LPAR1: variants seen among roughly 807,000 people sequenced by gnomAD.
LPAR1 encodes the protein LPA receptor 1.
A neutral mutation model predicts 23.8 loss-of-function variants in LPAR1; 5 were observed. The ratio of observed to expected loss-of-function variants is 0.21; its 90% confidence interval spans 0.11 to 0.44. The LOEUF (loss-of-function observed/expected upper bound fraction) is 0.44, where lower values mean the gene tolerates loss of function less well. LPAR1 is among the 20% of genes least tolerant of loss of function. The pLI is 0.99. For synonymous variants in LPAR1, 160 were observed against 164.7 expected, an observed-to-expected ratio of 0.97 and a Z score of 0.22; for missense variants, 311 against 482.8, an observed-to-expected ratio of 0.64 and a Z score of 3.33.
chr9:110,968,926 GGAAATA>G (rs2096314066), intron 4 of LPAR1, among the ~76,000 whole-genome samples: 5 of 152,116 alleles, frequency 3.3e-5, no homozygotes, highest in Non-Finnish European at 5.9e-5. Flanking sequence ...CCGTGGGTAA[GGAAATA>G]GAGGCACTAA....
At chr9:110,889,092 T>TG (rs1564374522) in intron 5 of LPAR1, among the ~76,000 whole-genome samples, 1 of 152,224 alleles carries the variant, frequency 6.6e-6, no homozygotes. Context: ...CCGGGTGCAG[T>TG]GGCTCTCACC....
chr9:111,016,316 GA>G (rs1169899606), intron 2 of LPAR1, among the ~76,000 whole-genome samples: 4 of 152,140 alleles, frequency 2.6e-5, no homozygotes, highest in African/African-American at 9.7e-5. Flanking sequence ...AAGTGCCAAT[GA>G]AAACAGATCT....
At position 110,903,625 on chromosome 9, in the gene LPAR1, C is replaced by T. The variant is rs563482750; in HGVS notation, c.794-27903G>A. Among the ~76,000 whole-genome samples, 267 of 151,800 alleles carry T rather than the reference C, an allele frequency of 1.8e-3. 2 individuals are homozygous for T. The highest frequency in any genetic ancestry group is 6.0e-3 in the African/African-American group (249 of 41,412). ...AACAAGAAGAAAATAGACTAAAAAC[C>T]GACAAAAAACAGACCCTCAAGGACT... On this transcript the variant is annotated intron_variant, in intron 5 of 5. Transcript: ENST00000683809.
intron 4 of LPAR1, among the ~76,000 whole-genome samples, chr9:110,962,074 A>T (rs1011542067): frequency 9.2e-5 from 14 of 152,290 alleles, no homozygotes; most frequent in African/African-American, 3.4e-4. Context: ...CATAGCATTG[A>T]ATTCCCCCCT....
At chr9:110,888,117 G>A (rs1016400987) in intron 5 of LPAR1, among the ~76,000 whole-genome samples, 1 of 152,022 alleles carries the variant, frequency 6.6e-6, no homozygotes, top group African/African-American at 2.4e-5. Context: ...ACAGTGTTTA[G>A]AACAACAAAT....
At chr9:110,921,296 T>C (rs1343693132) in intron 5 of LPAR1, among the ~76,000 whole-genome samples, 2 of 152,194 alleles carry the variant, frequency 1.3e-5, no homozygotes, top group Non-Finnish European at 2.9e-5. Context: ...GGAAATTATA[T>C]GAATGTATTT....
chr9:110,894,859 TA>T lies in LPAR1; in HGVS notation c.794-19138del, dbSNP rs146716017. On this transcript the variant is annotated intron_variant, in intron 5 of 5. Transcript: ENST00000683809. ...GCTGAAACCCTACCTCCAGAAAAAG[TA>T]AAAAAAAAAAATCAGCCAGATGCAG... Among the ~76,000 whole-genome samples the T allele has an allele frequency of 6.3e-3, 904 of 143,874 alleles. 6 individuals carry two copies. Among genetic ancestry groups the T allele is most frequent in the African/African-American group, 0.019 (773 of 39,900 alleles). The allele number at this position is 143,874 out of a possible 152,430, so 94.4% of individuals were successfully genotyped here. A position where few individuals can be genotyped will look rare whatever the true frequency, so the allele number is the denominator to read the frequency against.
intron 5 of LPAR1, among the ~76,000 whole-genome samples, chr9:110,932,643 G>A (rs140749668): frequency 1.4e-4 from 21 of 152,392 alleles, no homozygotes; most frequent in African/African-American, 4.8e-4. Context: ...CAGCAGATGC[G>A]CAAGCATTAC....
intron 2 of LPAR1, among the ~76,000 whole-genome samples, chr9:111,028,428 A>AT (rs1234888426): frequency 6.6e-6 from 1 of 152,200 alleles, no homozygotes; most frequent in Non-Finnish European, 1.5e-5. Flanking sequence ...ATCCCTGTAC[A>AT]TTCCACATAT....
In LPAR1 at chr9:110,929,697, AAT is replaced by A. The variant is rs1491518989; in HGVS notation, c.793+11722_793+11723del. 1.3e-4 allele frequency among the ~76,000 whole-genome samples: 16 copies of A among 121,354 alleles called. No homozygotes were observed. The East Asian group carries it at 3.4e-3, about 25-fold the overall frequency. The allele number at this position is 121,354 out of a possible 152,430, so 79.6% of individuals were successfully genotyped here. On this transcript the variant is annotated intron_variant, in intron 5 of 5. Transcript: ENST00000683809. ...TAAAATGCTGTATTTCCCAGCCAAT[AAT>A]GTGTGTGTGTGTGTGTGTGTGTGTG...
intron 5 of LPAR1, among the ~76,000 whole-genome samples, chr9:110,920,970 A>AT (rs1564468949): frequency 7.1e-6 from 1 of 141,128 alleles, no homozygotes; most frequent in Admixed American, 6.9e-5. Context: ...AACAACAACA[A>AT]ATTTTTTTTT....
intron 5 of LPAR1, among the ~76,000 whole-genome samples, chr9:110,927,369 T>C (rs547119771): frequency 3.1e-4 from 47 of 152,154 alleles, no homozygotes; most frequent in Non-Finnish European, 6.5e-4. Context: ...CCAAAATATA[T>C]TTTCTGTATT....
chr9:110,922,076 G>A (rs947662805), intron 5 of LPAR1, among the ~76,000 whole-genome samples: 2 of 152,138 alleles, frequency 1.3e-5, no homozygotes, highest in Non-Finnish European at 2.9e-5. Flanking sequence ...CTGGAACCAA[G>A]AAATAAAAGT....
chr9:110,958,632 G>A (rs1182016039), intron 4 of LPAR1, among the ~76,000 whole-genome samples: 1 of 151,976 alleles, frequency 6.6e-6, no homozygotes, highest in East Asian at 1.9e-4. Flanking sequence ...AAAACATTGG[G>A]AAACACTTCG....
At chr9:110,986,005 G>A (rs1223572354) in intron 2 of LPAR1, among the ~76,000 whole-genome samples, 1 of 152,064 alleles carries the variant, frequency 6.6e-6, no homozygotes, top group Non-Finnish European at 1.5e-5. Flanking sequence ...GGGAAATGAG[G>A]AGGATTCCAC....
At chr9:110,889,390 A>C (rs2083401269) in intron 5 of LPAR1, among the ~76,000 whole-genome samples, 2 of 152,026 alleles carry the variant, frequency 1.3e-5, no homozygotes, top group African/African-American at 4.8e-5. Context: ...GAAAGAAAAA[A>C]CCACATTAAG....
At chr9:111,028,298 G>A (rs906622989) in intron 2 of LPAR1, among the ~76,000 whole-genome samples, 1 of 152,050 alleles carries the variant, frequency 6.6e-6, no homozygotes, top group Non-Finnish European at 1.5e-5. Flanking sequence ...GGCCAGGCTG[G>A]TCTTGAACTC....
At chr9:110,924,444 T>A (rs1334084465) in intron 5 of LPAR1, among the ~76,000 whole-genome samples, 2 of 152,162 alleles carry the variant, frequency 1.3e-5, no homozygotes, top group African/African-American at 4.8e-5. Context: ...AAAGAAACAG[T>A]ATATTCAACT....
intron 5 of LPAR1, among the ~76,000 whole-genome samples, chr9:110,894,653 T>A (rs1420068205): frequency 7.2e-5 from 11 of 152,192 alleles, no homozygotes. Flanking sequence ...CTGAAACAAT[T>A]CTGAAGTAAC....
Sources: gnomAD v4.1 joint callset for allele counts (sites outside exome capture counted in the v4.1 genomes callset) on GRCh38, gnomAD v4.1.1 for gene constraint, MANE v1.5 for transcripts, NCBI Gene and HGNC (gene_info 2026-07-23, HGNC 2026-07-21) for gene names.